Variants in AKAP1 observed in about 807,000 individuals in gnomAD.
The protein encoded by AKAP1 is A-kinase anchoring protein 1, also known as A-kinase anchor protein 1, mitochondrial.
Under a neutral mutation model 79.8 loss-of-function variants are expected in AKAP1, and 32 were observed. That is an observed-to-expected ratio of 0.40 (90% CI 0.30 to 0.54). The LOEUF is 0.54. Among genes scored for constraint, AKAP1 ranks in the 20% least tolerant of loss-of-function variants. AKAP1 has a pLI of 0.47. For synonymous variants in AKAP1, 416 were observed against 466.7 expected, an observed-to-expected ratio of 0.89 and a Z score of 1.40; for missense variants, 961 against 1,138.9, an observed-to-expected ratio of 0.84 and a Z score of 2.25.
At chr17:57,085,647 C>A (rs1913396776) in intron 1 of AKAP1, 1 of 152,292 alleles carries the variant, frequency 6.6e-6, no homozygotes, top group African/African-American at 2.4e-5. Context: ...TGCCCGCGGG[C>A]TCCTGACAGA....
intron 7 of AKAP1, 142 bp downstream of exon 7, chr17:57,116,403 A>G: frequency 1.8e-6 from 2 of 1,109,750 alleles, no homozygotes; most frequent in Non-Finnish European, 2.6e-6. Context: ...GCAGAGTCTG[A>G]TAGAAACAAA....
Position 57,106,493 on chromosome 17 carries a change from G to C in AKAP1, c.1029G>C (p.Glu343Asp). The change falls in exon 2 of 11, where the codon GAG (glutamate) becomes GAC (aspartate). Residue 343 changes from glutamate to aspartate, a missense_variant. Glu to Asp is a conservative substitution (Grantham distance 45). Coordinates refer to ENST00000337714, the MANE Select transcript of AKAP1 (RefSeq NM_003488.4). Reference protein sequence around the residue: ...RNEEGLDRNEEIKRAAFQIIS... With the variant: ...RNEEGLDRNEDIKRAAFQIIS... ...AGGAGGGCTTGGATAGAAATGAGGA[G>C]ATTAAGCGGGCTGCCTTCCAGATAA... 6.2e-7 allele frequency: 1 copy of C among 1,613,378 alleles called. No individual in the cohort carries two copies. The highest frequency in any genetic ancestry group is 8.5e-7 in the Non-Finnish European group (1 of 1,179,374).
In AKAP1 at chr17:57,103,620, A is replaced by G. The variant is rs187130558; in HGVS notation, c.-24-1821A>G. Reference sequence around the variant, plus strand: ...AGTTGTTAAAACATGTGCATTTGTTATCTCTAAAAGAAAACAAACCCAAAT... The same window carrying G: ...AGTTGTTAAAACATGTGCATTTGTTGTCTCTAAAAGAAAACAAACCCAAAT... On this transcript the variant is annotated intron_variant, in intron 1 of 10. Coordinates refer to ENST00000337714, the MANE Select transcript of AKAP1 (RefSeq NM_003488.4). Among the ~76,000 whole-genome samples the G allele has an allele frequency of 1.7e-4, 26 of 152,370 alleles. No homozygotes were observed. The East Asian group carries it at 4.6e-3, about 27-fold the overall frequency.
In AKAP1 at chr17:57,086,303, C is replaced by T. The variant is rs1156998657; in HGVS notation, c.-25+905C>T. The T allele has an allele frequency of 2.5e-6, 1 of 400,112 alleles. No individual in the cohort carries two copies. Among genetic ancestry groups the T allele is most frequent in the Non-Finnish European group, 5.0e-6 (1 of 200,554 alleles). The allele number at this position is 400,112 out of a possible 1,614,324, so 24.8% of individuals were successfully genotyped here. On this transcript the variant is annotated intron_variant, in intron 1 of 10. Coordinates refer to ENST00000337714, the MANE Select transcript of AKAP1 (RefSeq NM_003488.4). This position sits in a 1 kb window ranked among gnomAD's most constrained non-coding sequence, Gnocchi z 5.1. The stretch of plus-strand genomic sequence containing the variant: ...GCTAGGAGAGGCAGTGGCTGGATGC[C>T]TCGAACGCGGGCTTTCTGGCGTTCA...
chr17:57,108,295 G>A (rs1237448891), intron 2 of AKAP1, among the ~76,000 whole-genome samples: 1 of 152,138 alleles, frequency 6.6e-6, no homozygotes, highest in Non-Finnish European at 1.5e-5. Flanking sequence ...CTGTTTTTAT[G>A]TACCTTGGAA....
intron 1 of AKAP1, among the ~76,000 whole-genome samples, chr17:57,090,231 G>A (rs1913699312): frequency 6.6e-6 from 1 of 151,950 alleles, no homozygotes; most frequent in Admixed American, 6.6e-5. Flanking sequence ...TTGACCTTTG[G>A]TATATATAAT....
chr17:57,089,076 C>T (rs192160136), intron 1 of AKAP1, among the ~76,000 whole-genome samples: 1 of 152,314 alleles, frequency 6.6e-6, no homozygotes, highest in Admixed American at 6.5e-5. Flanking sequence ...AGAGCTGAAA[C>T]CTGGCGGTGA....
At chr17:57,110,706 C>T (rs1030135669) in intron 3 of AKAP1, among the ~76,000 whole-genome samples, 9 of 152,170 alleles carry the variant, frequency 5.9e-5, no homozygotes, top group Admixed American at 2.0e-4. Context: ...GAGATTATGT[C>T]GCTTTAATTA....
intron 6 of AKAP1, 46 bp from the exon 7 acceptor site, chr17:57,116,065 C>A (rs751763343): frequency 6.3e-7 from 1 of 1,593,064 alleles, no homozygotes; most frequent in South Asian, 1.1e-5. Context: ...CCTTGGTGCC[C>A]TGCCCTGGCC....
intron 2 of AKAP1, 22 bp from the exon 3 acceptor site, chr17:57,110,003 C>T: frequency 6.2e-7 from 1 of 1,612,630 alleles, no homozygotes; most frequent in South Asian, 1.1e-5. Flanking sequence ...TGTGTGCGTG[C>T]CTGCTGCTTC....
chr17:57,106,443 AATG>A lies in AKAP1; in HGVS notation c.981_983del (p.Asn327_Glu328delinsLys). On this transcript the variant is annotated inframe_deletion, in exon 2 of 11. Transcript: ENST00000337714. ...TAGAAATGAGGAGGGCTTGGATAGA[AATG>A]AGGAGAGCTTGGATAGAAATGAGGA... 1 of 1,478,468 alleles carries A rather than the reference AATG, an allele frequency of 6.8e-7. No individual in the cohort carries two copies. Among genetic ancestry groups the A allele is most frequent in the Non-Finnish European group, 9.4e-7 (1 of 1,063,910 alleles). 91.6% of individuals were successfully genotyped at this position (1,478,468 alleles called of 1,614,324 possible).
At position 57,120,984 on chromosome 17, in the gene AKAP1, ACT is replaced by A. The variant is rs1242237919; in HGVS notation, c.*663_*664del. ...TTGTAACCATTTTCTATTTGTGCAA[ACT>A]CTGTAAATATGTGTTTAAACAAATG... On this transcript the variant is annotated 3_prime_UTR_variant, in exon 11 of 11. Transcript: ENST00000337714. The A allele has an allele frequency of 6.6e-6, 1 of 152,658 alleles. No homozygotes were observed. The highest frequency in any genetic ancestry group is 2.4e-5 in the African/African-American group (1 of 41,436). 9.5% of individuals were successfully genotyped at this position (152,658 alleles called of 1,614,324 possible).
At chr17:57,109,778 G>A (rs960662844) in intron 2 of AKAP1, among the ~76,000 whole-genome samples, 7 of 152,216 alleles carry the variant, frequency 4.6e-5, no homozygotes, top group Non-Finnish European at 1.0e-4. Flanking sequence ...GTGGCTGGGT[G>A]CGGCTGCCAA....
rs1426256797 is a variant in AKAP1, at chr17:57,102,627, GCT to G, written c.-24-2805_-24-2804del. On this transcript the variant is annotated intron_variant, in intron 1 of 10. Coordinates refer to ENST00000337714, the MANE Select transcript of AKAP1 (RefSeq NM_003488.4). ...GTACAGGCTCCCGCCACAACTCCCG[GCT>G]CTCTCTCTTTTTTTTTTGTATTTTT... Among the ~76,000 whole-genome samples, 5 of 151,702 alleles carry G rather than the reference GCT, an allele frequency of 3.3e-5. No homozygotes were observed. In the South Asian group the frequency reaches 1.0e-3, roughly 32 times the overall value.
intron 1 of AKAP1, among the ~76,000 whole-genome samples, chr17:57,104,860 G>T (rs1320710140): frequency 6.6e-6 from 1 of 152,232 alleles, no homozygotes; most frequent in Non-Finnish European, 1.5e-5. Context: ...CCTTCATGCT[G>T]CAGTTTGCTG....
intron 2 of AKAP1, chr17:57,108,186 A>G (rs1331988637): frequency 6.2e-6 from 2 of 320,308 alleles, no homozygotes; most frequent in Admixed American, 5.2e-5. Flanking sequence ...AGCTCCGGGT[A>G]GGTTGGGAAT....
chr17:57,102,263 T>G (rs543232592), intron 1 of AKAP1, among the ~76,000 whole-genome samples: 34 of 152,290 alleles, frequency 2.2e-4, no homozygotes, highest in South Asian at 1.0e-3. Context: ...TTTTTGTTTT[T>G]TTAATTTAAA....
rs1033293234 is a variant in AKAP1, at chr17:57,086,414, G to T, written c.-25+1016G>T. On this transcript the variant is annotated intron_variant, in intron 1 of 10. Transcript: ENST00000337714. The surrounding 1 kb of genome is among the most constrained non-coding windows in gnomAD (Gnocchi z 5.1). ...AAAGGTGCTGATCGTGGTAGGCGGT[G>T]CTGTGGCGACTCGGAACGGCATGGG... 2.6e-5 allele frequency: 12 copies of T among 456,414 alleles called. No homozygotes were observed. In the Admixed American group the frequency reaches 2.8e-4, roughly 11 times the overall value. The allele number at this position is 456,414 out of a possible 1,614,324, so 28.3% of individuals were successfully genotyped here.
At position 57,088,823 on chromosome 17, in the gene AKAP1, G is replaced by A. The variant is rs140334444; in HGVS notation, c.-25+3425G>A. On this transcript the variant is annotated intron_variant, in intron 1 of 10. Coordinates refer to ENST00000337714, the MANE Select transcript of AKAP1 (RefSeq NM_003488.4). Reference sequence around the variant, plus strand: ...ATTCTGTCCGGGTCTTCACCATCTGGTTGTTTTTCCGGCTTGGTTTGATAG... The same window carrying A: ...ATTCTGTCCGGGTCTTCACCATCTGATTGTTTTTCCGGCTTGGTTTGATAG... Among the ~76,000 whole-genome samples, 833 of 152,270 alleles carry A rather than the reference G, an allele frequency of 5.5e-3. 2 individuals carry two copies. Among genetic ancestry groups the A allele is most frequent in the Non-Finnish European group, 9.7e-3 (660 of 68,038 alleles).
Sources: gnomAD v4.1 joint callset for allele counts (sites outside exome capture counted in the v4.1 genomes callset) on GRCh38, gnomAD v4.1.1 for gene constraint, Gnocchi (gnomAD v3.1) non-coding constraint, MANE v1.5 for transcripts, NCBI Gene and HGNC (gene_info 2026-07-23, HGNC 2026-07-21) for gene names.